Variants in RBFOX1 observed in about 807,000 individuals in gnomAD.
RBFOX1 encodes RNA binding fox-1 homolog 1, also known as RNA binding protein fox-1 homolog 1.
In RBFOX1, 8 loss-of-function variants were observed where a neutral mutation model predicts 57.7. The ratio of observed to expected loss-of-function variants is 0.14; its 90% CI spans 0.08 to 0.25. The LOEUF (loss-of-function observed/expected upper bound fraction) is 0.25. RBFOX1 is among the 10% of genes least tolerant of loss of function. The pLI is 1.00. For synonymous variants in RBFOX1, 326 were observed against 222.4 expected (o/e 1.47, Z -4.15); for missense variants, 611 against 548.5 (o/e 1.11, Z -1.14).
At chr16:6,101,362 C>T (rs192437607) in intron 1 of RBFOX1, among the ~76,000 whole-genome samples, 33 of 152,312 alleles carry the variant, frequency 2.2e-4, no homozygotes, top group African/African-American at 7.7e-4. Flanking sequence ...TGTCCTCATA[C>T]TGAACCAAGT....
Position 6,878,468 on chromosome 16 carries a change from C to G in RBFOX1, c.-15-173589C>G, listed in dbSNP as rs373814449. On this transcript the variant is annotated intron_variant, in intron 3 of 15. Transcript: ENST00000550418. ...GAAGCAACACCACCCTGTCTCTTAC[C>G]ACCAAATCCATGATGGACATGTGAT... Among the ~76,000 whole-genome samples the G allele has an allele frequency of 3.9e-5, 6 of 152,294 alleles. No individual in the cohort carries two copies. The East Asian group carries it at 7.7e-4, about 20-fold the overall frequency.
At chr16:5,907,192 G>C (rs890040952) in intron 4 of RBFOX1, among the ~76,000 whole-genome samples, 1 of 152,260 alleles carries the variant, frequency 6.6e-6, no homozygotes, top group Admixed American at 6.5e-5. Context: ...TCAGGGCAAC[G>C]TGAACTAAGT....
rs115529191 is a variant in RBFOX1, at chr16:7,231,100, G to A, written c.27+179002G>A. Among the ~76,000 whole-genome samples the A allele has an allele frequency of 3.2e-3, 486 of 152,208 alleles. 1 individual carries two copies. Among genetic ancestry groups the A allele is most frequent in the African/African-American group, 0.011 (465 of 41,524 alleles). ...AGAATCTACCTCTCCAGAATTCAGG[G>A]TAAGATAAGTATGGTTGTTTGGATC... On this transcript the variant is annotated intron_variant, in intron 4 of 15. Coordinates refer to ENST00000550418, the MANE Select transcript of RBFOX1 (RefSeq NM_018723.4).
intron 4 of RBFOX1, among the ~76,000 whole-genome samples, chr16:7,257,533 C>G (rs996695976): frequency 6.6e-6 from 1 of 152,118 alleles, no homozygotes; most frequent in Non-Finnish European, 1.5e-5. Flanking sequence ...CATGCTTTAT[C>G]CAGTAGAGAC....
chr16:6,145,962 G>A (rs2096754913), intron 1 of RBFOX1, among the ~76,000 whole-genome samples: 1 of 152,128 alleles, frequency 6.6e-6, no homozygotes, highest in African/African-American at 2.4e-5. Context: ...TACTCTCCCA[G>A]GATCTCCTTT....
At chr16:7,539,575 A>G (rs7198361) in intron 5 of RBFOX1, among the ~76,000 whole-genome samples, 13,117 of 152,278 alleles carry the variant, frequency 0.086, 692 homozygotes, top group East Asian at 0.22. Flanking sequence ...CCAAAGTAAC[A>G]TGCTTAAATG....
At chr16:6,782,510 G>A (rs990981644) in intron 3 of RBFOX1, among the ~76,000 whole-genome samples, 2 of 151,708 alleles carry the variant, frequency 1.3e-5, no homozygotes, top group African/African-American at 4.8e-5. Flanking sequence ...TTCAATCTTG[G>A]TAGGAATTTT....
At chr16:5,582,630 AGT>A (rs1360631063) in intron 2 of RBFOX1, among the ~76,000 whole-genome samples, 1 of 139,834 alleles carries the variant, frequency 7.2e-6, no homozygotes, top group Non-Finnish European at 1.5e-5. Context: ...GGTTCGCTGC[AGT>A]GTCTGCCTCC....
intron 11 of RBFOX1, among the ~76,000 whole-genome samples, chr16:7,632,890 GAACAA>G (rs1596952990): frequency 1.3e-5 from 2 of 151,482 alleles, no homozygotes; most frequent in East Asian, 3.9e-4. Flanking sequence ...TTACAGAAGT[GAACAA>G]AACAATCAAC....
intron 4 of RBFOX1, among the ~76,000 whole-genome samples, chr16:7,384,640 T>A (rs536050959): frequency 2.0e-5 from 3 of 152,244 alleles, no homozygotes; most frequent in Admixed American, 6.5e-5. Flanking sequence ...ATGCCAACTT[T>A]GGAATTAGTG....
chr16:7,539,337 C>T (rs1199965719), intron 5 of RBFOX1, among the ~76,000 whole-genome samples: 1 of 152,098 alleles, frequency 6.6e-6, no homozygotes, highest in African/African-American at 2.4e-5. Context: ...GAGCAGCATT[C>T]CAGGAAGAGT....
At chr16:7,159,787 C>T (rs544240565) in intron 4 of RBFOX1, among the ~76,000 whole-genome samples, 8 of 152,292 alleles carry the variant, frequency 5.3e-5, no homozygotes, top group African/African-American at 1.9e-4. Flanking sequence ...TGGGCTCCTC[C>T]AAGAGCCAAC....
intron 13 of RBFOX1, among the ~76,000 whole-genome samples, chr16:7,675,880 A>C (rs2073125817): frequency 6.6e-6 from 1 of 152,192 alleles, no homozygotes; most frequent in African/African-American, 2.4e-5. Flanking sequence ...TGCTGAGTTC[A>C]TTGTACACTG....
rs369210363 is a variant in RBFOX1 at position 7,048,089 on chromosome 16, G to C, written c.-15-3968G>C. On this transcript the variant is annotated intron_variant, in intron 3 of 15. Transcript: ENST00000550418. The stretch of plus-strand genomic sequence containing the variant: ...AGAAGGGGTTTCACCATGTTGGCCA[G>C]GCTGGTCTCAAATTCCTGACCTCAG... 6.6e-5 allele frequency among the ~76,000 whole-genome samples: 10 copies of C among 152,142 alleles called. No individual in the cohort carries two copies. The East Asian group carries it at 1.2e-3, about 18-fold the overall frequency.
At chr16:5,646,552 C>A (rs942423898) in intron 3 of RBFOX1, among the ~76,000 whole-genome samples, 5 of 152,142 alleles carry the variant, frequency 3.3e-5, no homozygotes, top group Non-Finnish European at 7.4e-5. Context: ...GCAGAGGAGA[C>A]ACCTGCTATG....
chr16:5,242,380 C>T (rs143183534), intron 1 of RBFOX1, among the ~76,000 whole-genome samples: 7 of 152,126 alleles, frequency 4.6e-5, no homozygotes, highest in African/African-American at 1.4e-4. Flanking sequence ...CTGCTCAGTC[C>T]GGCGGCCCCT....
At chr16:7,347,924 T>C (rs2097049203) in intron 4 of RBFOX1, among the ~76,000 whole-genome samples, 1 of 152,178 alleles carries the variant, frequency 6.6e-6, no homozygotes, top group Non-Finnish European at 1.5e-5. Flanking sequence ...ATCCTGTGGC[T>C]GACACTCATT....
chr16:7,005,587 GA>G (rs1410486797), intron 3 of RBFOX1, among the ~76,000 whole-genome samples: 1 of 152,186 alleles, frequency 6.6e-6, no homozygotes, highest in Non-Finnish European at 1.5e-5. Flanking sequence ...TCCTATTAGT[GA>G]TGGCTTGGTG....
chr16:6,248,009 G>T (rs2097578836), intron 1 of RBFOX1, among the ~76,000 whole-genome samples: 1 of 152,118 alleles, frequency 6.6e-6, no homozygotes, highest in African/African-American at 2.4e-5. Context: ...AGTTGACAGT[G>T]AGCTTTATCA....
Sources: gnomAD v4.1 joint callset for allele counts (sites outside exome capture counted in the v4.1 genomes callset) on GRCh38, gnomAD v4.1.1 for gene constraint, MANE v1.5 for transcripts, NCBI Gene and HGNC (gene_info 2026-07-23, HGNC 2026-07-21) for gene names.